GRIK2: variants seen among roughly 807,000 people sequenced by gnomAD.
GRIK2 encodes the protein glutamate receptor ionotropic, kainate 2.
In GRIK2, 32 loss-of-function variants were observed where a neutral mutation model predicts 100.3. That is an observed-to-expected ratio of 0.32 (90% CI 0.24 to 0.43). GRIK2 has a LOEUF of 0.43. Ranked by LOEUF, GRIK2 falls within the 20% of genes least tolerant of loss-of-function variation. GRIK2 has a pLI of 1.00. For missense variants in GRIK2, 843 were observed against 1,114.9 expected, an observed-to-expected ratio of 0.76 and a Z score of 3.47; for synonymous variants, 417 against 389.4, an observed-to-expected ratio of 1.07 and a Z score of -0.83.
intron 4 of GRIK2, among the ~76,000 whole-genome samples, chr6:101,665,507 G>GGTGATTT (rs1769960990): frequency 6.6e-6 from 1 of 152,180 alleles, no homozygotes. Flanking sequence ...GTTTCACCTA[G>GGTGATTT]GTGATTTCAT....
At chr6:101,565,952 T>C (rs1339603490) in intron 2 of GRIK2, among the ~76,000 whole-genome samples, 1 of 144,486 alleles carries the variant, frequency 6.9e-6, no homozygotes, top group Non-Finnish European at 1.5e-5. Flanking sequence ...TATATATATA[T>C]ATATATAAGC....
At position 102,068,514 on chromosome 6, in the gene GRIK2, C is replaced by A; in HGVS notation, c.*3C>A. On this transcript the variant is annotated 3_prime_UTR_variant, in exon 17 of 17. Coordinates refer to ENST00000369134, the MANE Select transcript of GRIK2 (RefSeq NM_021956.5). ...CAGGTAAAGAAACCATGGCATAAAGCTGGGAGGCCAAACACCCAAGCACAA... is the reference window on the plus strand; with the variant it reads ...CAGGTAAAGAAACCATGGCATAAAGATGGGAGGCCAAACACCCAAGCACAA... 1 of 1,609,744 alleles carries A rather than the reference C, an allele frequency of 6.2e-7. No individual in the cohort carries two copies. Among genetic ancestry groups the A allele is most frequent in the Non-Finnish European group, 8.5e-7 (1 of 1,177,370 alleles).
At chr6:101,624,314 A>G (rs898195551) in intron 3 of GRIK2, among the ~76,000 whole-genome samples, 11 of 152,264 alleles carry the variant, frequency 7.2e-5, no homozygotes, top group African/African-American at 2.4e-4. Context: ...ATTTATCTTC[A>G]GTATATATGA....
intron 2 of GRIK2, among the ~76,000 whole-genome samples, chr6:101,538,376 G>A (rs547660380): frequency 2.9e-4 from 44 of 151,614 alleles, no homozygotes; most frequent in African/African-American, 8.7e-4. Context: ...TTTCTCATCC[G>A]AATTTTTCTT....
intron 2 of GRIK2, among the ~76,000 whole-genome samples, chr6:101,588,844 T>TA (rs916967663): frequency 2.0e-5 from 3 of 151,826 alleles, no homozygotes; most frequent in African/African-American, 4.8e-5. Flanking sequence ...TGTATATATT[T>TA]AAAAAAAGAT....
chr6:101,421,660 G>GT (rs35390245), intron 2 of GRIK2, among the ~76,000 whole-genome samples: 6,843 of 151,862 alleles, frequency 0.045, 235 homozygotes, highest in South Asian at 0.15. Flanking sequence ...AAGGAAAGCT[G>GT]TTTTTTTTCT....
At chr6:101,540,662 T>A (rs2518300) in intron 2 of GRIK2, among the ~76,000 whole-genome samples, 2 of 151,814 alleles carry the variant, frequency 1.3e-5, no homozygotes, top group African/African-American at 4.8e-5. Context: ...TTTGAATTGC[T>A]CACTAGTGGG....
chr6:101,744,769 T>TG (rs1432396621), intron 7 of GRIK2: 3 of 151,254 alleles, frequency 2.0e-5, no homozygotes, highest in Non-Finnish European at 2.9e-5. Context: ...TTAGTAGAGA[T>TG]GGGGTTTCTC....
At chr6:101,928,343 C>A in intron 13 of GRIK2, 72 bp from the exon 14 acceptor site, 1 of 814,552 alleles carries the variant, frequency 1.2e-6, no homozygotes, top group Non-Finnish European at 2.2e-6. Context: ...CATTCTGCCA[C>A]TGTGACAAAA....
chr6:102,023,026 T>G lies in GRIK2; in HGVS notation c.2086-12315T>G, dbSNP rs936755846. Among the ~76,000 whole-genome samples, 3 of 151,496 alleles carry G rather than the reference T, an allele frequency of 2.0e-5. No individual in the cohort carries two copies. In the South Asian group the frequency reaches 6.2e-4, roughly 31 times the overall value. ...TGGATGTGAGAAGTTGTTAGAGTGT[T>G]GCAAGAATGCAGGAGTGGTTAAGAG... On this transcript the variant is annotated intron_variant, in intron 14 of 16. Coordinates refer to ENST00000369134, the MANE Select transcript of GRIK2 (RefSeq NM_021956.5).
chr6:101,622,472 C>A (rs1309682712), intron 3 of GRIK2, among the ~76,000 whole-genome samples: 1 of 151,970 alleles, frequency 6.6e-6, no homozygotes, highest in Non-Finnish European at 1.5e-5. Context: ...TTTGCATTAT[C>A]TTTCAATCCC....
chr6:101,916,298 C>A (rs551820075), intron 12 of GRIK2, among the ~76,000 whole-genome samples: 1 of 151,300 alleles, frequency 6.6e-6, no homozygotes, highest in African/African-American at 2.4e-5. Flanking sequence ...TTTTCTTGAG[C>A]ATTTGTGACG....
chr6:101,896,845 T>C (rs1392901999), intron 12 of GRIK2, among the ~76,000 whole-genome samples: 1 of 151,790 alleles, frequency 6.6e-6, no homozygotes, highest in Non-Finnish European at 1.5e-5. Context: ...AATCACAAAA[T>C]TAATTATAAT....
chr6:101,611,645 C>T (rs1779680010), intron 2 of GRIK2, among the ~76,000 whole-genome samples: 1 of 151,738 alleles, frequency 6.6e-6, no homozygotes. Context: ...CCTGTTGTTT[C>T]ATGGCTCAAA....
At chr6:101,671,807 T>G (rs1027466918) in intron 4 of GRIK2, among the ~76,000 whole-genome samples, 5 of 152,120 alleles carry the variant, frequency 3.3e-5, no homozygotes, top group African/African-American at 1.2e-4. Context: ...GAGGTTGTAG[T>G]GAGCCAAGAT....
intron 2 of GRIK2, among the ~76,000 whole-genome samples, chr6:101,531,868 G>GC (rs1775459251): frequency 6.6e-6 from 1 of 151,638 alleles, no homozygotes. Flanking sequence ...ACCTCATTCT[G>GC]CCCCCATGAT....
intron 2 of GRIK2, among the ~76,000 whole-genome samples, chr6:101,443,057 A>T (rs1770168873): frequency 6.6e-6 from 1 of 152,062 alleles, no homozygotes; most frequent in Non-Finnish European, 1.5e-5. Flanking sequence ...TTTTCTTATT[A>T]TTCTCAGTGT....
intron 7 of GRIK2, among the ~76,000 whole-genome samples, chr6:101,743,203 G>T (rs528245026): frequency 3.0e-4 from 46 of 152,266 alleles, no homozygotes; most frequent in African/African-American, 1.1e-3. Flanking sequence ...GACAAGAGCT[G>T]ACCAAGTTCC....
At chr6:101,460,273 G>A (rs2128252167) in intron 2 of GRIK2, among the ~76,000 whole-genome samples, 1 of 152,168 alleles carries the variant, frequency 6.6e-6, no homozygotes, top group Middle Eastern at 3.4e-3. Flanking sequence ...GGGCCATTTA[G>A]GTCTGTTTAC....
Sources: allele counts gnomAD v4.1 joint callset (sites outside exome capture counted in the v4.1 genomes callset), GRCh38; gene constraint gnomAD v4.1.1; transcripts MANE v1.5; gene names NCBI Gene and HGNC (gene_info 2026-07-23, HGNC 2026-07-21).